Variants in IGSF10 observed in about 807,000 individuals in gnomAD.
IGSF10 encodes the protein calvaria mechanical force protein 608.
IGSF10 carries 126 observed loss-of-function variants against 128.2 expected under a neutral mutation model. The ratio of observed to expected loss-of-function variants is 0.98; its 90% CI spans 0.85 to 1.14. IGSF10 has a LOEUF of 1.14. IGSF10 is among the 50% of genes most tolerant of loss of function. The pLI, the probability that IGSF10 is intolerant of heterozygous loss-of-function variation, is 0.00. For synonymous variants in IGSF10, 1,185 were observed against 1,146.2 expected (o/e 1.03, Z -0.68); for missense variants, 3,295 against 3,149.8 (o/e 1.05, Z -1.10).
chr3:151,465,040 C>T (rs906019947), upstream of IGSF10, among the ~76,000 whole-genome samples: 22 of 152,194 alleles, frequency 1.4e-4, no homozygotes, highest in African/African-American at 5.1e-4. Context: ...TCTTATAAGT[C>T]CATGGACTCT....
At chr3:151,587,447 A>G in the IGSF10 span, among the ~76,000 whole-genome samples, 1 of 152,240 alleles carries the variant, frequency 6.6e-6, no homozygotes, top group Non-Finnish European at 1.5e-5. Context: ...TATTTTTAAA[A>G]AGAGTAGCTA....
intron 4 of IGSF10, among the ~76,000 whole-genome samples, chr3:151,454,046 C>T (rs942755971): frequency 2.2e-5 from 3 of 135,614 alleles, no homozygotes; most frequent in Middle Eastern, 4.7e-3. Context: ...GAGACAGCGT[C>T]TTGCTCTGTC....
At chr3:151,516,624 G>A in the IGSF10 span, among the ~76,000 whole-genome samples, 1 of 151,872 alleles carries the variant, frequency 6.6e-6, no homozygotes, top group African/African-American at 2.4e-5. Context: ...TTGCCTGGAA[G>A]TCTTCACTCT....
intron 2 of IGSF10, 79 bp from the exon 3 acceptor site, chr3:151,458,789 T>G (rs760204981): frequency 1.9e-5 from 23 of 1,213,558 alleles, no homozygotes; most frequent in Non-Finnish European, 2.4e-5. Context: ...ACTCTGGGAA[T>G]CTGGGAGACC....
At chr3:151,594,270 G>A in the IGSF10 span, among the ~76,000 whole-genome samples, 405 of 150,886 alleles carry the variant, frequency 2.7e-3, no homozygotes, top group African/African-American at 9.5e-3. Context: ...AATAGCAGCA[G>A]AGATTTTTTT....
At chr3:151,544,600 T>A in the IGSF10 span, among the ~76,000 whole-genome samples, 2 of 152,264 alleles carry the variant, frequency 1.3e-5, no homozygotes, top group Non-Finnish European at 2.9e-5. Context: ...CCTGTTTTAG[T>A]TTTGCTGCTG....
chr3:151,468,445 T>C, the IGSF10 span, among the ~76,000 whole-genome samples: 1 of 152,196 alleles, frequency 6.6e-6, no homozygotes. Context: ...CGCTTTTATG[T>C]AAGAGGTCTG....
At chr3:151,534,999 T>G in the IGSF10 span, among the ~76,000 whole-genome samples, 1 of 152,068 alleles carries the variant, frequency 6.6e-6, no homozygotes, top group Non-Finnish European at 1.5e-5. Context: ...TATCAGTTTC[T>G]ATGGGTGTGA....
chr3:151,467,807 C>T, the IGSF10 span, among the ~76,000 whole-genome samples: 44,223 of 151,148 alleles, frequency 0.29, 7,085 homozygotes, highest in East Asian at 0.36. Flanking sequence ...TGGCGTGAAC[C>T]CCGGGGTCAG....
At chr3:151,438,865 TAGAG>T (rs368154072) in intron 7 of IGSF10, among the ~76,000 whole-genome samples, 8 of 150,576 alleles carry the variant, frequency 5.3e-5, no homozygotes, top group African/African-American at 1.7e-4. Context: ...TATATATATA[TAGAG>T]AGAGAGAAAT....
chr3:151,609,668 C>T, the IGSF10 span, among the ~76,000 whole-genome samples: 2 of 152,114 alleles, frequency 1.3e-5, no homozygotes, highest in Non-Finnish European at 2.9e-5. Flanking sequence ...AATAAAGAGA[C>T]TGAAATCATG....
chr3:151,556,473 T>C, the IGSF10 span, among the ~76,000 whole-genome samples: 1 of 152,138 alleles, frequency 6.6e-6, no homozygotes, highest in Admixed American at 6.6e-5. Flanking sequence ...TGCTTGCATA[T>C]TGAAGTCATG....
At chr3:151,599,252 G>T in the IGSF10 span, among the ~76,000 whole-genome samples, 7 of 151,918 alleles carry the variant, frequency 4.6e-5, no homozygotes, top group Non-Finnish European at 1.0e-4. Flanking sequence ...GTGCCTGTGC[G>T]TCTGGGGTGG....
At chr3:151,533,524 G>A in the IGSF10 span, among the ~76,000 whole-genome samples, 2 of 152,124 alleles carry the variant, frequency 1.3e-5, no homozygotes, top group African/African-American at 4.8e-5. Context: ...TCTGATCTTT[G>A]ACAAACCTGA....
In IGSF10 at chr3:151,444,835, T is replaced by G. The variant is rs898239196; in HGVS notation, c.5062+84A>C. 8 of 1,297,354 alleles carry G rather than the reference T, an allele frequency of 6.2e-6. No individual in the cohort carries two copies. The East Asian group carries it at 1.9e-4, about 31-fold the overall frequency. 80.4% of individuals were successfully genotyped at this position (1,297,354 alleles called of 1,614,324 possible). On this transcript the variant is annotated intron_variant, in intron 6 of 7. Transcript: ENST00000282466. ...AGAAAAATTTGAAACTGATACTGATTCTTTGGATGTTTAATCCCAAAACAT... is the reference window on the plus strand; with the variant it reads ...AGAAAAATTTGAAACTGATACTGATGCTTTGGATGTTTAATCCCAAAACAT...
At chr3:151,552,598 T>G in the IGSF10 span, among the ~76,000 whole-genome samples, 1 of 152,194 alleles carries the variant, frequency 6.6e-6, no homozygotes, top group African/African-American at 2.4e-5. Context: ...TTCTTCTCAA[T>G]CAGTTGGCTT....
At chr3:151,477,344 G>A in the IGSF10 span, among the ~76,000 whole-genome samples, 1 of 152,174 alleles carries the variant, frequency 6.6e-6, no homozygotes, top group Non-Finnish European at 1.5e-5. Context: ...AGCTTTATAT[G>A]CTTTTATATA....
At chr3:151,463,541 T>TG (rs1722156254), upstream of IGSF10, among the ~76,000 whole-genome samples, 13 of 108,616 alleles carry the variant, frequency 1.2e-4, no homozygotes, top group African/African-American at 2.7e-4. Context: ...TTTTTTTTTT[T>TG]TTTTTTTTTT....
At position 151,447,747 on chromosome 3, in the gene IGSF10, G is replaced by A. The variant is rs1433073973; in HGVS notation, c.2234C>T (p.Pro745Leu). The A allele has an allele frequency of 1.2e-6, 2 of 1,614,030 alleles. No homozygotes were observed. The highest frequency in any genetic ancestry group is 2.2e-5 in the East Asian group (1 of 44,894). Residue 745 changes from proline to leucine, a missense_variant, in exon 6 of 8, where the codon CCT becomes CTT. Physicochemically the swap from Pro to Leu is moderately conservative, Grantham distance 98. Transcript: ENST00000282466. ...RRFRENRRHFPPSARRIDPQH... is the reference protein window; with the variant it reads ...RRFRENRRHFLPSARRIDPQH... ...TGGGTCAATTCTCCTAGCAGAGGGA[G>A]GGAAATGCCTCCTATTCTCCCTAAA...
Sources: allele counts gnomAD v4.1 joint callset (sites outside exome capture counted in the v4.1 genomes callset), GRCh38; gene constraint gnomAD v4.1.1; transcripts MANE v1.5; gene names NCBI Gene and HGNC (gene_info 2026-07-23, HGNC 2026-07-21).